Variants in TMEM178B observed in about 807,000 individuals in gnomAD.
TMEM178B encodes the protein transmembrane protein 178B.
TMEM178B carries 5 observed loss-of-function variants against 31.0 expected under a neutral mutation model. That is an observed-to-expected ratio of 0.16 (90% CI 0.08 to 0.34). The LOEUF (loss-of-function observed/expected upper bound fraction) is 0.34, where lower values mean the gene tolerates loss of function less well. TMEM178B is among the 10% of genes least tolerant of loss of function. The pLI is 1.00. For missense variants in TMEM178B, 275 were observed against 400.3 expected (o/e 0.69, Z 2.67); for synonymous variants, 164 against 164.0 (o/e 1.00, Z 0.00).
intron 1 of TMEM178B, among the ~76,000 whole-genome samples, chr7:141,183,397 A>T (rs1412065949): frequency 1.3e-5 from 2 of 152,240 alleles, no homozygotes; most frequent in Admixed American, 6.5e-5. Flanking sequence ...TGCCCTCTTA[A>T]GTCAGACCTT....
At chr7:141,507,170 T>C in the TMEM178B span, among the ~76,000 whole-genome samples, 3 of 152,168 alleles carry the variant, frequency 2.0e-5, no homozygotes, top group Non-Finnish European at 4.4e-5. Context: ...TCTACTATTC[T>C]GGGGTCTGGA....
At chr7:141,200,731 C>T (rs560867670) in intron 1 of TMEM178B, among the ~76,000 whole-genome samples, 8 of 152,254 alleles carry the variant, frequency 5.3e-5, no homozygotes, top group South Asian at 4.1e-4. Flanking sequence ...CAAGGTCTCT[C>T]ATGACATCCA....
rs978641570 is a variant in TMEM178B, at chr7:141,390,079, A to G, written c.497-47529A>G. On this transcript the variant is annotated intron_variant, in intron 2 of 3. Transcript: ENST00000565468. ...TCACCTAGAAATACTTCAAGCACTA[A>G]AATCCATTTCCTCTCAGGTTAAAAT... Among the ~76,000 whole-genome samples, 4 of 152,296 alleles carry G rather than the reference A, an allele frequency of 2.6e-5. 1 individual carries two copies. The South Asian group carries it at 6.2e-4, about 24-fold the overall frequency.
chr7:141,501,979 C>A, the TMEM178B span, among the ~76,000 whole-genome samples: 1 of 152,156 alleles, frequency 6.6e-6, no homozygotes, highest in Admixed American at 6.5e-5. Context: ...TGGGCTTGCA[C>A]GTGTCCTCAC....
chr7:141,207,173 A>T (rs1796980442), intron 1 of TMEM178B, among the ~76,000 whole-genome samples: 1 of 152,218 alleles, frequency 6.6e-6, no homozygotes, highest in African/African-American at 2.4e-5. Context: ...TATCGCATGG[A>T]TACAGCTTTC....
At chr7:141,412,936 T>G (rs761723480) in intron 2 of TMEM178B, among the ~76,000 whole-genome samples, 23 of 152,230 alleles carry the variant, frequency 1.5e-4, no homozygotes, top group Non-Finnish European at 3.1e-4. Flanking sequence ...GATTTCTAGT[T>G]TTAATTTAAC....
intron 1 of TMEM178B, among the ~76,000 whole-genome samples, chr7:141,182,310 C>T (rs778608490): frequency 1.3e-5 from 2 of 152,154 alleles, no homozygotes; most frequent in Non-Finnish European, 2.9e-5. Flanking sequence ...CTACTGGGTC[C>T]AAGAGGGTGG....
chr7:141,399,764 C>A (rs1447880941), intron 2 of TMEM178B, among the ~76,000 whole-genome samples: 2 of 152,192 alleles, frequency 1.3e-5, no homozygotes, highest in African/African-American at 2.4e-5. Flanking sequence ...ACTGCTAAGT[C>A]AGCAAGGGCT....
chr7:141,330,964 G>T (rs576197086), intron 2 of TMEM178B, among the ~76,000 whole-genome samples: 1 of 152,354 alleles, frequency 6.6e-6, no homozygotes, highest in South Asian at 2.1e-4. Flanking sequence ...TAGACTAGGT[G>T]TGAGAGAAAG....
chr7:141,266,979 T>C (rs1798103793), intron 2 of TMEM178B, among the ~76,000 whole-genome samples: 1 of 152,214 alleles, frequency 6.6e-6, no homozygotes, highest in Admixed American at 6.5e-5. Flanking sequence ...TTCTCTGAAA[T>C]GAGGCAATCC....
At chr7:141,312,161 A>G (rs1334071269) in intron 2 of TMEM178B, among the ~76,000 whole-genome samples, 1 of 152,050 alleles carries the variant, frequency 6.6e-6, no homozygotes, top group Non-Finnish European at 1.5e-5. Context: ...TTCAACCTGG[A>G]CCTCTCTTCT....
rs990259672 is a variant in TMEM178B, at chr7:141,368,421, A to G, written c.497-69187A>G. On this transcript the variant is annotated intron_variant, in intron 2 of 3. Coordinates refer to ENST00000565468, the MANE Select transcript of TMEM178B (RefSeq NM_001195278.2). Reference sequence around the variant, plus strand: ...CTCTGAGCTGTAAGGTATAAAGTGCATAAAGTGTATTTATCATAAGTGTAC... The same window carrying G: ...CTCTGAGCTGTAAGGTATAAAGTGCGTAAAGTGTATTTATCATAAGTGTAC... Among the ~76,000 whole-genome samples the G allele has an allele frequency of 5.2e-5, 8 of 152,388 alleles. No homozygotes were observed. In the South Asian group the frequency reaches 1.4e-3, roughly 28 times the overall value.
chr7:141,346,016 G>A (rs1237107655), intron 2 of TMEM178B, among the ~76,000 whole-genome samples: 2 of 151,950 alleles, frequency 1.3e-5, no homozygotes, highest in Non-Finnish European at 2.9e-5. Context: ...GGCGGATCAC[G>A]AGAGACCATC....
intron 2 of TMEM178B, among the ~76,000 whole-genome samples, chr7:141,336,918 CCACCACCACCACCATCACCACCACCAT>C (rs1799406759): frequency 2.3e-5 from 3 of 132,860 alleles, no homozygotes; most frequent in Non-Finnish European, 4.8e-5. Flanking sequence ...ATCACCACCA[CCACCACCACCACCATCACCACCACCAT>C]CACCACCACC....
intron 2 of TMEM178B, among the ~76,000 whole-genome samples, chr7:141,403,327 G>A (rs1025453299): frequency 6.6e-6 from 1 of 152,144 alleles, no homozygotes; most frequent in Admixed American, 6.5e-5. Flanking sequence ...CTGAGCTTCA[G>A]TTTTCTTTTC....
At chr7:141,109,389 G>C (rs1251156186) in intron 1 of TMEM178B, among the ~76,000 whole-genome samples, 1 of 152,104 alleles carries the variant, frequency 6.6e-6, no homozygotes, top group Non-Finnish European at 1.5e-5. Flanking sequence ...GGAAACTCAG[G>C]GGGTGGTGGA....
At chr7:141,122,589 G>A (rs1245166441) in intron 1 of TMEM178B, among the ~76,000 whole-genome samples, 1 of 152,230 alleles carries the variant, frequency 6.6e-6, no homozygotes, top group Non-Finnish European at 1.5e-5. Context: ...GAGATGAAAT[G>A]CTGGGTCCAG....
chr7:141,196,262 G>T (rs939195788), intron 1 of TMEM178B, among the ~76,000 whole-genome samples: 1 of 151,422 alleles, frequency 6.6e-6, no homozygotes, highest in Non-Finnish European at 1.5e-5. Context: ...CTCTTTTTTT[G>T]GATATTTGGT....
chr7:141,159,919 G>A (rs953803236), intron 1 of TMEM178B, among the ~76,000 whole-genome samples: 4 of 151,476 alleles, frequency 2.6e-5, no homozygotes, highest in South Asian at 4.2e-4. Flanking sequence ...GAACACTACC[G>A]AGCTGTTAAA....
Sources: gnomAD v4.1 joint callset for allele counts (sites outside exome capture counted in the v4.1 genomes callset) on GRCh38, gnomAD v4.1.1 for gene constraint, MANE v1.5 for transcripts, NCBI Gene and HGNC (gene_info 2026-07-23, HGNC 2026-07-21) for gene names.